The following YY1AP1 variants were observed in gnomAD, a reference collection of about 807,000 sequenced individuals.
YY1AP1 encodes the protein YY1-associated protein 1.
Under a neutral mutation model 39.9 loss-of-function variants are expected in YY1AP1, and 43 were observed. The observed-to-expected ratio is 1.08, with a 90% CI of 0.84 to 1.39. The LOEUF is 1.39. Ranked by LOEUF, YY1AP1 falls within the 40% of genes most tolerant of loss-of-function variation. The probability of loss-of-function intolerance (pLI) is 0.00; values close to 1 mark genes in which losing one functional copy is unlikely to be tolerated. For missense variants in YY1AP1, 813 were observed against 900.7 expected (o/e 0.90, Z 1.25); for synonymous variants, 292 against 331.3 (o/e 0.88, Z 1.29).
Position 155,688,735 on chromosome 1 carries a change from A to G in YY1AP1, c.-228T>C, listed in dbSNP as rs1653145791. On this transcript the variant is annotated 5_prime_UTR_variant, in exon 1 of 11. Coordinates refer to ENST00000355499, the MANE Select transcript of YY1AP1 (RefSeq NM_139119.3). ...TCCCTCCCCGCCCGCACGGCCACCAACCGCCGCCAAAGCAGCCGCCGCCAG... is the reference window on the plus strand; with the variant it reads ...TCCCTCCCCGCCCGCACGGCCACCAGCCGCCGCCAAAGCAGCCGCCGCCAG... 10 of 1,515,094 alleles carry G rather than the reference A, an allele frequency of 6.6e-6. No homozygotes were observed. Among genetic ancestry groups the G allele is most frequent in the Non-Finnish European group, 8.8e-6 (10 of 1,138,124 alleles). 93.9% of individuals were successfully genotyped at this position (1,515,094 alleles called of 1,614,324 possible).
intron 9 of YY1AP1, among the ~76,000 whole-genome samples, chr1:155,667,951 CAA>C (rs1491449278): frequency 1.8e-4 from 27 of 146,310 alleles, no homozygotes; most frequent in African/African-American, 5.7e-4. Flanking sequence ...CAGACACACA[CAA>C]ACACACACAC....
chr1:155,686,609 G>A (rs1194934650), intron 2 of YY1AP1, among the ~76,000 whole-genome samples: 4 of 152,132 alleles, frequency 2.6e-5, no homozygotes, highest in Admixed American at 1.3e-4. Context: ...TTGAATGAGT[G>A]AAAAAGGATC....
chr1:155,659,566 CT>C lies in YY1AP1; in HGVS notation c.*90del. On this transcript the variant is annotated 3_prime_UTR_variant, in exon 11 of 11. Coordinates refer to ENST00000355499, the MANE Select transcript of YY1AP1 (RefSeq NM_139119.3). ...TTGCAAAATCTGGGGTTTAAGTACC[CT>C]TTAGGGGTTTCCTATTGGTTACACC... is the stretch of plus-strand genomic sequence containing the variant. 2.1e-6 allele frequency: 3 copies of C among 1,456,540 alleles called. No individual in the cohort carries two copies. Among genetic ancestry groups the C allele is most frequent in the South Asian group, 1.3e-5 (1 of 79,518 alleles). The allele number at this position is 1,456,540 out of a possible 1,614,324, so 90.2% of individuals were successfully genotyped here. A position where few individuals can be genotyped will look rare whatever the true frequency, so the allele number is the denominator to read the frequency against.
chr1:155,676,843 A>C (rs1650768800), intron 4 of YY1AP1, 97 bp from the exon 5 acceptor site: 2 of 1,192,636 alleles, frequency 1.7e-6, no homozygotes, highest in Admixed American at 1.9e-5. Context: ...AACAATTTTC[A>C]TTCCCTACTA....
At chr1:155,674,729 G>A (rs1650377419) in intron 6 of YY1AP1, 1 of 249,720 alleles carries the variant, frequency 4.0e-6, no homozygotes, top group Non-Finnish European at 7.9e-6. Context: ...GGGAGGCTGA[G>A]GCAGGAGAAT....
intron 2 of YY1AP1, among the ~76,000 whole-genome samples, chr1:155,685,827 T>C (rs1652133948): frequency 6.6e-6 from 1 of 152,096 alleles, no homozygotes; most frequent in South Asian, 2.1e-4. Flanking sequence ...TATGCTCATC[T>C]TCTAACTTGA....
intron 1 of YY1AP1, 70 bp downstream of exon 1, chr1:155,688,589 C>A: frequency 6.5e-7 from 1 of 1,536,548 alleles, no homozygotes; most frequent in Non-Finnish European, 8.7e-7. Flanking sequence ...CCACGGGAAC[C>A]TCCTCGCCCA....
chr1:155,685,691 T>C (rs1652116088), intron 2 of YY1AP1, among the ~76,000 whole-genome samples: 1 of 152,210 alleles, frequency 6.6e-6, no homozygotes. Flanking sequence ...CTTAAACTCA[T>C]ACTAACATCC....
chr1:155,687,267 A>G (rs1652584076), intron 2 of YY1AP1, among the ~76,000 whole-genome samples: 1 of 150,838 alleles, frequency 6.6e-6, no homozygotes, highest in Non-Finnish European at 1.5e-5. Context: ...AACTATTCTT[A>G]AGACCACAAC....
At chr1:155,688,436 G>C (rs111741196) in intron 1 of YY1AP1, 19 of 1,545,646 alleles carry the variant, frequency 1.2e-5, no homozygotes, top group Admixed American at 2.0e-5. Context: ...TCTTCCCCAC[G>C]GTCCCCCGCT....
chr1:155,677,804 A>G (rs1650934284), intron 4 of YY1AP1, among the ~76,000 whole-genome samples: 2 of 152,330 alleles, frequency 1.3e-5, no homozygotes, highest in East Asian at 1.9e-4. Context: ...AGCATAAAAA[A>G]GTAGAAAATG....
intron 5 of YY1AP1, among the ~76,000 whole-genome samples, chr1:155,675,670 C>G (rs1650547086): frequency 6.6e-6 from 1 of 151,158 alleles, no homozygotes; most frequent in Non-Finnish European, 1.5e-5. Context: ...GTTGTCCAGG[C>G]TGCTTTTGAA....
intron 9 of YY1AP1, among the ~76,000 whole-genome samples, chr1:155,665,271 GAA>G (rs1364876980): frequency 6.6e-6 from 1 of 150,996 alleles, no homozygotes. Flanking sequence ...TTAAAATTCA[GAA>G]AAAAATTTTT....
chr1:155,688,050 G>A lies in YY1AP1; in HGVS notation c.-21+21C>T, dbSNP rs184133133. The A allele has an allele frequency of 5.8e-6, 9 of 1,554,258 alleles. No homozygotes were observed. In the African/African-American group the frequency reaches 6.8e-5, roughly 12 times the overall value. Reference sequence around the variant, plus strand: ...GAGAGAGTGCTTAGGCCCGAATGCCGGCCCAAATCGTTCTACTCACCGTGT... The same window carrying A: ...GAGAGAGTGCTTAGGCCCGAATGCCAGCCCAAATCGTTCTACTCACCGTGT... On this transcript the variant is annotated intron_variant, in intron 2 of 10. Coordinates refer to ENST00000355499, the MANE Select transcript of YY1AP1 (RefSeq NM_139119.3).
chr1:155,670,509 G>C (rs1377504779), intron 7 of YY1AP1, 45 bp from the exon 8 acceptor site: 1 of 1,610,266 alleles, frequency 6.2e-7, no homozygotes, highest in South Asian at 1.1e-5. Context: ...TAGGAAAAAA[G>C]AGGGCTTCAA....
intron 9 of YY1AP1, among the ~76,000 whole-genome samples, chr1:155,662,939 A>G (rs907691990): frequency 6.6e-5 from 10 of 152,096 alleles, no homozygotes; most frequent in Non-Finnish European, 1.3e-4. Context: ...AGGAATTAAG[A>G]GGTTGCAGTG....
At chr1:155,674,882 T>A in intron 6 of YY1AP1, 128 bp downstream of exon 6, 4 of 764,964 alleles carry the variant, frequency 5.2e-6, no homozygotes, top group Non-Finnish European at 8.7e-6. Context: ...AATCAGTGGC[T>A]TATGTTCACT....
At chr1:155,674,750 C>T (rs775518074) in intron 6 of YY1AP1, 18 of 264,144 alleles carry the variant, frequency 6.8e-5, no homozygotes, top group Non-Finnish European at 1.1e-4. Context: ...CACTTGAACC[C>T]GGGAGGCAGG....
intron 4 of YY1AP1, among the ~76,000 whole-genome samples, chr1:155,677,149 A>C (rs1650815035): frequency 6.6e-6 from 1 of 152,158 alleles, no homozygotes; most frequent in Non-Finnish European, 1.5e-5. Context: ...TTGTCCCATT[A>C]TCCTATCTAC....
Sources: allele counts gnomAD v4.1 joint callset (sites outside exome capture counted in the v4.1 genomes callset), GRCh38; gene constraint gnomAD v4.1.1; transcripts MANE v1.5; gene names NCBI Gene and HGNC (gene_info 2026-07-23, HGNC 2026-07-21).